The following GNAQ variants were observed in gnomAD, a reference collection of about 807,000 sequenced individuals.
GNAQ encodes G protein subunit alpha q.
A neutral mutation model predicts 43.9 loss-of-function variants in GNAQ; 8 were observed. The ratio of observed to expected loss-of-function variants is 0.18; its 90% CI spans 0.11 to 0.33. The LOEUF is 0.33. GNAQ is among the 10% of genes least tolerant of loss of function. The pLI, the probability that GNAQ is intolerant of heterozygous loss-of-function variation, is 1.00. For missense variants in GNAQ, 158 were observed against 450.8 expected (o/e 0.35, Z 5.88); for synonymous variants, 155 against 170.7 (o/e 0.91, Z 0.71).
chr9:77,827,116 T>C (rs527994805), intron 2 of GNAQ, among the ~76,000 whole-genome samples: 6 of 151,720 alleles, frequency 4.0e-5, no homozygotes, highest in African/African-American at 9.7e-5. Context: ...TAAAGTGACA[T>C]AGAAAAGGTT....
intron 1 of GNAQ, among the ~76,000 whole-genome samples, chr9:78,008,588 TCA>T (rs1823734412): frequency 2.2e-5 from 3 of 139,196 alleles, no homozygotes; most frequent in African/African-American, 8.5e-5. Context: ...TCATTTCATT[TCA>T]TTTCATTTCA....
At chr9:77,776,640 T>C (rs1475066924) in intron 5 of GNAQ, among the ~76,000 whole-genome samples, 2 of 152,250 alleles carry the variant, frequency 1.3e-5, no homozygotes, top group African/African-American at 2.4e-5. Context: ...CAACAACAGT[T>C]TGAGACTTCA....
At chr9:77,757,438 TAA>T (rs950721775) in intron 5 of GNAQ, among the ~76,000 whole-genome samples, 3 of 152,194 alleles carry the variant, frequency 2.0e-5, no homozygotes, top group Non-Finnish European at 4.4e-5. Flanking sequence ...TCAAATTGAC[TAA>T]GTCATTCGCT....
chr9:77,880,319 C>A (rs1828188028), intron 2 of GNAQ, among the ~76,000 whole-genome samples: 1 of 152,012 alleles, frequency 6.6e-6, no homozygotes, highest in Non-Finnish European at 1.5e-5. Context: ...ATTATTTATA[C>A]CCTTTCTCAC....
At chr9:77,760,069 A>AC (rs1825969493) in intron 5 of GNAQ, among the ~76,000 whole-genome samples, 1 of 145,862 alleles carries the variant, frequency 6.9e-6, no homozygotes, top group Non-Finnish European at 1.5e-5. Flanking sequence ...CCTTTTTCTA[A>AC]TTTTTTTTTT....
At chr9:77,998,692 G>A (rs895557784) in intron 1 of GNAQ, among the ~76,000 whole-genome samples, 1 of 152,054 alleles carries the variant, frequency 6.6e-6, no homozygotes, top group African/African-American at 2.4e-5. Context: ...ATATTAATGA[G>A]GCTCACAGAA....
At chr9:77,941,390 C>T (rs1454799701) in intron 1 of GNAQ, among the ~76,000 whole-genome samples, 1 of 152,086 alleles carries the variant, frequency 6.6e-6, no homozygotes, top group Non-Finnish European at 1.5e-5. Context: ...GCTGGGACTA[C>T]AGGCACCCAC....
intron 2 of GNAQ, among the ~76,000 whole-genome samples, chr9:77,854,055 T>C (rs1003513921): frequency 6.6e-6 from 1 of 152,208 alleles, no homozygotes; most frequent in Admixed American, 6.5e-5. Flanking sequence ...AACCCAAATA[T>C]AGATCCATTA....
chr9:77,718,725 AATTTTT>A lies in GNAQ; in HGVS notation c.*2592_*2597del. 1.1e-5 allele frequency: 1 copy of A among 93,998 alleles called. No homozygotes were observed. The highest frequency in any genetic ancestry group is 2.2e-5 in the Non-Finnish European group (1 of 45,276). The allele number at this position is 93,998 out of a possible 1,614,324, so 5.8% of individuals were successfully genotyped here. A position where few individuals can be genotyped will look rare whatever the true frequency, so the allele number is the denominator to read the frequency against. ...TGTAGGCCTTCAAATGTTGTTGTTT[AATTTTT>A]TTTTTTTTTTTTTTTTTTTTTGCTG... On this transcript the variant is annotated 3_prime_UTR_variant, in exon 7 of 7. Transcript: ENST00000286548.
intron 5 of GNAQ, among the ~76,000 whole-genome samples, chr9:77,766,298 C>T (rs1826135873): frequency 6.6e-6 from 1 of 152,162 alleles, no homozygotes; most frequent in Admixed American, 6.5e-5. Context: ...CTCTTTGTTT[C>T]ATCAACATTC....
At chr9:77,950,505 C>T (rs186478837) in intron 1 of GNAQ, among the ~76,000 whole-genome samples, 1 of 152,196 alleles carries the variant, frequency 6.6e-6, no homozygotes, top group Non-Finnish European at 1.5e-5. Flanking sequence ...TATTGCCCAT[C>T]TACTAAAGTT....
At chr9:77,925,035 G>A (rs1199972540) in intron 1 of GNAQ, among the ~76,000 whole-genome samples, 1 of 151,982 alleles carries the variant, frequency 6.6e-6, no homozygotes, top group African/African-American at 2.4e-5. Flanking sequence ...CCTTCAAAAG[G>A]TCCCAGCTCC....
chr9:77,815,356 T>A (rs964232116), intron 3 of GNAQ, among the ~76,000 whole-genome samples: 15 of 152,126 alleles, frequency 9.9e-5, no homozygotes, highest in African/African-American at 3.6e-4. Context: ...GTTGGTGAAA[T>A]CAGATTCCTA....
chr9:78,016,278 T>C (rs1823836857), intron 1 of GNAQ, among the ~76,000 whole-genome samples: 1 of 152,240 alleles, frequency 6.6e-6, no homozygotes, highest in South Asian at 2.1e-4. Flanking sequence ...AGAACAATTC[T>C]GCATATAGCC....
chr9:78,026,802 T>G (rs1347004697), intron 1 of GNAQ, among the ~76,000 whole-genome samples: 3 of 152,368 alleles, frequency 2.0e-5, no homozygotes, highest in South Asian at 4.1e-4. Context: ...TAAAACTGTA[T>G]AGCTTTCAGT....
At position 77,995,352 on chromosome 9, in the gene GNAQ, T is replaced by C. The variant is rs533429847; in HGVS notation, c.136+35748A>G. On this transcript the variant is annotated intron_variant, in intron 1 of 6. Transcript: ENST00000286548. ...CTCTTAATTTTTACAATCCAAAGAG[T>C]ATTAATGACCAAGAATTACAATTGG... is the stretch of plus-strand genomic sequence containing the variant. Among the ~76,000 whole-genome samples the C allele has an allele frequency of 2.0e-5, 3 of 152,052 alleles. No homozygotes were observed. In the South Asian group the frequency reaches 6.2e-4, roughly 32 times the overall value.
intron 2 of GNAQ, among the ~76,000 whole-genome samples, chr9:77,868,951 C>T (rs1827992413): frequency 6.6e-6 from 1 of 152,178 alleles, no homozygotes. Context: ...CATGCCACTG[C>T]ACTTTAGCCT....
intron 5 of GNAQ, among the ~76,000 whole-genome samples, chr9:77,753,335 G>C (rs1825847662): frequency 6.6e-6 from 1 of 152,084 alleles, no homozygotes; most frequent in African/African-American, 2.4e-5. Context: ...AAGGTTCAGG[G>C]TAAGATATGA....
chr9:77,755,334 A>C (rs2118307598), intron 5 of GNAQ, among the ~76,000 whole-genome samples: 1 of 152,284 alleles, frequency 6.6e-6, no homozygotes, highest in Admixed American at 6.5e-5. Flanking sequence ...ATTACAGTTA[A>C]GTTTATTGTA....
Sources: gnomAD v4.1 joint callset for allele counts (sites outside exome capture counted in the v4.1 genomes callset) on GRCh38, gnomAD v4.1.1 for gene constraint, MANE v1.5 for transcripts, NCBI Gene and HGNC (gene_info 2026-07-23, HGNC 2026-07-21) for gene names.